The following PCDH15 variants were observed in gnomAD, a reference collection of about 807,000 sequenced individuals.
The protein encoded by PCDH15 is protocadherin-15.
PCDH15 carries 129 observed loss-of-function variants against 178.5 expected under a neutral mutation model. The ratio of observed to expected loss-of-function variants is 0.72; its 90% confidence interval spans 0.63 to 0.84. The LOEUF is 0.84. Ranked by LOEUF, PCDH15 falls within the 40% of genes least tolerant of loss-of-function variation. The probability of loss-of-function intolerance (pLI) is 0.00; values close to 1 mark genes in which losing one functional copy is unlikely to be tolerated. For missense variants in PCDH15, 2,230 were observed against 2,099.9 expected (o/e 1.06, Z -1.21); for synonymous variants, 800 against 732.0 (o/e 1.09, Z -1.50).
At chr10:54,566,761 T>C (rs2089105196) in intron 2 of PCDH15, among the ~76,000 whole-genome samples, 1 of 152,182 alleles carries the variant, frequency 6.6e-6, no homozygotes, top group Non-Finnish European at 1.5e-5. Context: ...CTCTTGGTTG[T>C]TCCCTCCCAA....
At chr10:53,956,134 G>T (rs1387380250) in intron 23 of PCDH15, among the ~76,000 whole-genome samples, 1 of 152,018 alleles carries the variant, frequency 6.6e-6, no homozygotes, top group African/African-American at 2.4e-5. Flanking sequence ...ATAAAATGTT[G>T]AACAACTTAT....
At chr10:55,426,422 G>A (rs1418766499) in intron 2 of PCDH15, among the ~76,000 whole-genome samples, 1 of 152,142 alleles carries the variant, frequency 6.6e-6, no homozygotes, top group African/African-American at 2.4e-5. Flanking sequence ...GGGTCACTCA[G>A]GTGAGCAGGT....
rs747722279 is a variant in PCDH15 at position 53,822,028 on chromosome 10, A to ACATGTTAGCTACTGATTTTTCAAGT, written c.4368-1823_4368-1799dup. On this transcript the variant is annotated intron_variant, in intron 32 of 37. Transcript: ENST00000644397. The stretch of plus-strand genomic sequence containing the variant: ...AGATAGTTTTTTTCTATTTGACTGT[A>ACATGTTAGCTACTGATTTTTCAAGT]CATGTTAGCTACTGATTTTTCAAGT... 1.9e-6 allele frequency: 3 copies of ACATGTTAGCTACTGATTTTTCAAGT among 1,613,998 alleles called. No individual in the cohort carries two copies. The African/African-American group carries it at 4.0e-5, about 22-fold the overall frequency.
At chr10:55,129,751 T>A (rs1397986146) in intron 2 of PCDH15, among the ~76,000 whole-genome samples, 1 of 152,156 alleles carries the variant, frequency 6.6e-6, no homozygotes, top group African/African-American at 2.4e-5. Flanking sequence ...ACTTATTCGT[T>A]GATTTACCAG....
At chr10:54,743,785 T>C (rs1307103765) in intron 1 of PCDH15, among the ~76,000 whole-genome samples, 2 of 151,640 alleles carry the variant, frequency 1.3e-5, no homozygotes, top group Admixed American at 6.6e-5. Context: ...TATCCCCATG[T>C]TTTGGGTTAT....
rs139971050 is a variant in PCDH15 at position 54,829,229 on chromosome 10, A to G, written c.-29+68221T>C. 1.8e-3 allele frequency among the ~76,000 whole-genome samples: 279 copies of G among 152,106 alleles called. 4 individuals carry two copies. Among genetic ancestry groups the G allele is most frequent in the African/African-American group, 6.2e-3 (256 of 41,544 alleles). On this transcript the variant is annotated intron_variant, in intron 3 of 5. Coordinates refer to the PCDH15 transcript ENST00000458638. ...AAGTCGTAATGAATAATAGTGGTAT[A>G]GTAATGGTTGTGAAGTGGAAGCAGA... is the stretch of plus-strand genomic sequence containing the variant.
At chr10:55,439,240 A>ACATG (rs1839121652) in intron 2 of PCDH15, among the ~76,000 whole-genome samples, 1 of 152,178 alleles carries the variant, frequency 6.6e-6, no homozygotes, top group South Asian at 2.1e-4. Flanking sequence ...AGAAAATGAG[A>ACATG]CATGAGTCAG....
intron 2 of PCDH15, among the ~76,000 whole-genome samples, chr10:54,584,126 C>A (rs546772219): frequency 2.0e-4 from 30 of 151,396 alleles, no homozygotes; most frequent in Non-Finnish European, 3.7e-4. Flanking sequence ...GATGCTCAAG[C>A]TTGTAATCCC....
chr10:54,036,991 G>A (rs1439650576), intron 18 of PCDH15, among the ~76,000 whole-genome samples: 3 of 152,006 alleles, frequency 2.0e-5, no homozygotes, highest in Middle Eastern at 3.4e-3. Context: ...GACTTCAGTT[G>A]GATGAAGGAA....
Position 54,915,277 on chromosome 10 carries a change from A to G in PCDH15, c.-79-17777T>C, listed in dbSNP as rs553544891. On this transcript the variant is annotated intron_variant, in intron 2 of 5. Coordinates refer to the PCDH15 transcript ENST00000458638. ...GGTTGACCAGTACAATCTCTACAAC[A>G]GAAGATTGAACCCACTACAAAGCTT... 3.3e-5 allele frequency among the ~76,000 whole-genome samples: 5 copies of G among 152,344 alleles called. No homozygotes were observed. The East Asian group carries it at 9.6e-4, about 29-fold the overall frequency.
intron 3 of PCDH15, among the ~76,000 whole-genome samples, chr10:54,489,838 G>T (rs2079421967): frequency 6.6e-6 from 1 of 152,038 alleles, no homozygotes; most frequent in Non-Finnish European, 1.5e-5. Context: ...TCTTTGCCAG[G>T]TTAAGATTTG....
intron 1 of PCDH15, among the ~76,000 whole-genome samples, chr10:54,792,282 C>G (rs1340522940): frequency 1.3e-5 from 2 of 151,888 alleles, no homozygotes; most frequent in East Asian, 1.9e-4. Flanking sequence ...ATCTCTACCC[C>G]ACTAGTGACT....
chr10:55,261,061 TA>T (rs1402775282), intron 1 of PCDH15, among the ~76,000 whole-genome samples: 2 of 152,126 alleles, frequency 1.3e-5, no homozygotes, highest in African/African-American at 4.8e-5. Flanking sequence ...TTTAGATGGC[TA>T]AAAAACAAGA....
intron 2 of PCDH15, among the ~76,000 whole-genome samples, chr10:54,964,799 A>G (rs1379047403): frequency 6.6e-6 from 1 of 152,208 alleles, no homozygotes; most frequent in Non-Finnish European, 1.5e-5. Flanking sequence ...TAAAGCTTTT[A>G]ATTACAATTC....
chr10:53,984,072 G>A (rs962022309), intron 21 of PCDH15, among the ~76,000 whole-genome samples: 10 of 149,344 alleles, frequency 6.7e-5, no homozygotes, highest in Non-Finnish European at 1.0e-4. Flanking sequence ...ATACAATCAT[G>A]CTCCCTCTTA....
chr10:54,801,652 A>C (rs1952653866), upstream of PCDH15, among the ~76,000 whole-genome samples: 1 of 152,026 alleles, frequency 6.6e-6, no homozygotes, highest in Non-Finnish European at 1.5e-5. Flanking sequence ...TCTCTCATTA[A>C]ATCTACCCTC....
chr10:55,466,885 T>C (rs1839842186), intron 2 of PCDH15, among the ~76,000 whole-genome samples: 1 of 152,208 alleles, frequency 6.6e-6, no homozygotes, highest in African/African-American at 2.4e-5. Flanking sequence ...CACCTATTTA[T>C]ATCTGCCAAG....
Position 55,470,218 on chromosome 10 carries a change from G to A in PCDH15, c.-156+157407C>T, listed in dbSNP as rs1374542158. ...ATACAAAAATTAGCCAGGTGAGGTG[G>A]TTTGGCCTATAGTCTCAGCTACTCG... On this transcript the variant is annotated intron_variant, in intron 2 of 5. Transcript: ENST00000613346. Among the ~76,000 whole-genome samples, 5 of 151,904 alleles carry A rather than the reference G, an allele frequency of 3.3e-5. No individual in the cohort carries two copies. In the East Asian group the frequency reaches 9.7e-4, roughly 29 times the overall value.
chr10:54,273,091 G>T (rs1441595262), intron 8 of PCDH15, among the ~76,000 whole-genome samples: 2 of 152,142 alleles, frequency 1.3e-5, no homozygotes, highest in East Asian at 3.9e-4. Context: ...TATGTTTTCT[G>T]ACCCAAATGT....
Sources: allele counts gnomAD v4.1 joint callset (sites outside exome capture counted in the v4.1 genomes callset), GRCh38; gene constraint gnomAD v4.1.1; transcripts MANE v1.5; gene names NCBI Gene and HGNC (gene_info 2026-07-23, HGNC 2026-07-21).